HEPHL1: variants seen among roughly 807,000 people sequenced by gnomAD.
HEPHL1 encodes the protein hephaestin like 1, also known as ferroxidase HEPHL1.
A neutral mutation model predicts 122.0 loss-of-function variants in HEPHL1; 123 were observed. The ratio of observed to expected loss-of-function variants is 1.01; its 90% CI spans 0.87 to 1.17. The LOEUF is 1.17. HEPHL1 is among the 50% of genes most tolerant of loss of function. The probability of loss-of-function intolerance (pLI) is 0.00; values close to 1 mark genes in which losing one functional copy is unlikely to be tolerated. For synonymous variants in HEPHL1, 527 were observed against 508.9 expected (o/e 1.04, Z -0.48); for missense variants, 1,452 against 1,430.5 (o/e 1.01, Z -0.24).
rs192611678 is a variant in HEPHL1, at chr11:94,088,908, A to T, written c.2234A>T (p.Asp745Val). 6.2e-6 allele frequency: 10 copies of T among 1,613,986 alleles called. No homozygotes were observed. In the Admixed American group the frequency reaches 1.7e-4, roughly 27 times the overall value. The change falls in exon 12 of 20, where the codon GAT (aspartate) becomes GTT (valine). Residue 745 changes from aspartate to valine, a missense_variant. Physicochemically the swap from Asp to Val is radical, Grantham distance 152. Transcript: ENST00000315765. The stretch of plus-strand genomic sequence containing the variant: ...ATCGCCGCTGAAGAAGTAGAATGGG[A>T]TTATGCCCCTAACAAAAACTGGGAG... ...FYIAAEEVEW[D>V]YAPNKNWEFE...
At position 94,075,299 on chromosome 11, in the gene HEPHL1, G is replaced by T; in HGVS notation, c.1630G>T (p.Val544Phe). 1 of 1,613,592 alleles carries T rather than the reference G, an allele frequency of 6.2e-7. No individual in the cohort carries two copies. The highest frequency in any genetic ancestry group is 8.5e-7 in the Non-Finnish European group (1 of 1,179,670). Residue 544 changes from valine (V) to phenylalanine (F), a missense_variant, in exon 9 of 20, where the codon GTT (valine) becomes TTT (phenylalanine). Coordinates refer to ENST00000315765, the MANE Select transcript of HEPHL1 (RefSeq NM_001098672.2). ...PCLTYLYFSA[V>F]DPIKDTSSGL... ...TCTGACCTATCTTTACTTCTCAGCA[G>T]TTGATCCAATTAAGGACACCAGCTC...
In HEPHL1 at chr11:94,096,345, C is replaced by T. The variant is rs191662246; in HGVS notation, c.2434+2705C>T. ...GTTTATTGATTTGCATTATGTTGAACCAGTCTTGCATCCCAGGGATGAAGC... is the reference window on the plus strand; with the variant it reads ...GTTTATTGATTTGCATTATGTTGAATCAGTCTTGCATCCCAGGGATGAAGC... On this transcript the variant is annotated intron_variant, in intron 13 of 19. Transcript: ENST00000315765. 5.9e-5 allele frequency among the ~76,000 whole-genome samples: 9 copies of T among 152,298 alleles called. 1 individual carries two copies. In the East Asian group the frequency reaches 1.7e-3, roughly 29 times the overall value.
chr11:94,096,189 A>G (rs927209905), intron 13 of HEPHL1, among the ~76,000 whole-genome samples: 4 of 152,136 alleles, frequency 2.6e-5, no homozygotes, highest in South Asian at 2.1e-4. Flanking sequence ...TTTGAGATAC[A>G]TCCCATGAAT....
intron 2 of HEPHL1, among the ~76,000 whole-genome samples, chr11:94,050,701 A>T (rs1456961789): frequency 6.6e-6 from 1 of 152,172 alleles, no homozygotes; most frequent in Admixed American, 6.6e-5. Flanking sequence ...TCTAAAATGC[A>T]CAATTAAATT....
intron 10 of HEPHL1, among the ~76,000 whole-genome samples, chr11:94,084,530 C>A (rs1308373206): frequency 1.3e-5 from 2 of 151,934 alleles, no homozygotes; most frequent in African/African-American, 4.8e-5. Flanking sequence ...AAAGAAAGGG[C>A]CTGACATGGT....
Position 94,042,883 on chromosome 11 carries a change from A to AAAACAAAAAACAAAC in HEPHL1, c.171-2787_171-2786insCAAAAAACAAACAAA, listed in dbSNP as rs1555058776. On this transcript the variant is annotated intron_variant, in intron 1 of 19. Coordinates refer to ENST00000315765, the MANE Select transcript of HEPHL1 (RefSeq NM_001098672.2). ...TAAAACTTAAAGTATAATAAAAAAA[A>AAAACAAAAAACAAAC]AAAAAAAAAACTGCATGAATTGCTC... Among the ~76,000 whole-genome samples the AAAACAAAAAACAAAC allele has an allele frequency of 9.7e-3, 1,280 of 132,402 alleles. 44 individuals are homozygous for AAAACAAAAAACAAAC. Among genetic ancestry groups the AAAACAAAAAACAAAC allele is most frequent in the African/African-American group, 0.033 (1,160 of 35,498 alleles). The allele number at this position is 132,402 out of a possible 152,430, so 86.9% of individuals were successfully genotyped here.
intron 2 of HEPHL1, among the ~76,000 whole-genome samples, chr11:94,049,107 C>G (rs2511379): frequency 0.36 from 53,906 of 149,712 alleles, 10,354 homozygotes; most frequent in Admixed American, 0.46. Flanking sequence ...GGCAACAGAG[C>G]AAGACTCCAT....
chr11:94,103,645 CAACCACAGTCTTTAATTACATGCCATA>C (rs1466737004), intron 15 of HEPHL1, among the ~76,000 whole-genome samples: 2 of 152,102 alleles, frequency 1.3e-5, no homozygotes. Context: ...GTATGTAAAA[CAACCACAGTCTTTAATTACATGCCATA>C]AACCAAAGTC....
At chr11:94,026,591 T>C (rs1049118016) in intron 1 of HEPHL1, among the ~76,000 whole-genome samples, 1 of 152,178 alleles carries the variant, frequency 6.6e-6, no homozygotes, top group Non-Finnish European at 1.5e-5. Context: ...TCATTGACAG[T>C]ATAATAAGTT....
chr11:94,107,491 GAAC>G lies in HEPHL1; in HGVS notation c.3045+1367_3045+1369del, dbSNP rs752677631. On this transcript the variant is annotated intron_variant, in intron 17 of 19. Transcript: ENST00000315765. ...TGATAAGCACATACAGTAGTGTAAC[GAAC>G]AACAATCACAATATAGAATACTTTT... 8.5e-5 allele frequency among the ~76,000 whole-genome samples: 13 copies of G among 152,198 alleles called. No homozygotes were observed. In the Middle Eastern group the frequency reaches 0.01, roughly 119 times the overall value.
At chr11:94,076,626 C>T (rs534561252) in intron 9 of HEPHL1, among the ~76,000 whole-genome samples, 80 of 152,118 alleles carry the variant, frequency 5.3e-4, no homozygotes, top group African/African-American at 1.9e-3. Context: ...AAAAAGTACC[C>T]TGAAACATCC....
chr11:94,067,402 T>G, intron 4 of HEPHL1, 94 bp from the exon 5 acceptor site: 1 of 1,270,372 alleles, frequency 7.9e-7, no homozygotes. Flanking sequence ...TCTGCACTGG[T>G]TTTCCAGCCA....
In HEPHL1 at chr11:94,070,555, T is replaced by A; in HGVS notation, c.1232+13T>A. On this transcript the variant is annotated intron_variant, in intron 6 of 19. Coordinates refer to ENST00000315765, the MANE Select transcript of HEPHL1 (RefSeq NM_001098672.2). ...ACGCCTCTGGCAGGTAAGCACCCTTTGTTGGTGTTTCTAAGCCTCTCGTCA... is the reference window on the plus strand; with the variant it reads ...ACGCCTCTGGCAGGTAAGCACCCTTAGTTGGTGTTTCTAAGCCTCTCGTCA... The A allele has an allele frequency of 8.1e-6, 13 of 1,595,338 alleles. No homozygotes were observed. Among genetic ancestry groups the A allele is most frequent in the Non-Finnish European group, 1.1e-5 (13 of 1,168,354 alleles).
At chr11:94,078,116 G>A (rs1194096123) in intron 9 of HEPHL1, among the ~76,000 whole-genome samples, 1 of 152,022 alleles carries the variant, frequency 6.6e-6, no homozygotes, top group African/African-American at 2.4e-5. Flanking sequence ...GCACATTGTT[G>A]ACATGCAACA....
At chr11:94,057,395 T>C (rs904490006) in intron 2 of HEPHL1, among the ~76,000 whole-genome samples, 16 of 152,238 alleles carry the variant, frequency 1.1e-4, no homozygotes, top group African/African-American at 3.4e-4. Flanking sequence ...ACAACTGTTA[T>C]ACACATGTTA....
At chr11:94,036,959 G>A (rs1162516088) in intron 1 of HEPHL1, among the ~76,000 whole-genome samples, 1 of 152,196 alleles carries the variant, frequency 6.6e-6, no homozygotes, top group African/African-American at 2.4e-5. Flanking sequence ...CTGAGGTACA[G>A]GGTTCATCTC....
chr11:94,039,837 C>G (rs1482355163), intron 1 of HEPHL1, among the ~76,000 whole-genome samples: 1 of 122,150 alleles, frequency 8.2e-6, no homozygotes, highest in African/African-American at 3.4e-5. Context: ...CAAACACATT[C>G]AAAAGCTAGC....
chr11:94,086,482 C>T (rs996470438), intron 11 of HEPHL1, among the ~76,000 whole-genome samples: 1 of 152,160 alleles, frequency 6.6e-6, no homozygotes, highest in African/African-American at 2.4e-5. Flanking sequence ...AAAAATTCAG[C>T]CCTGATAAAG....
At chr11:94,093,810 T>C (rs1432192651) in intron 13 of HEPHL1, among the ~76,000 whole-genome samples, 170 bp downstream of exon 13, 1 of 151,446 alleles carries the variant, frequency 6.6e-6, no homozygotes, top group Non-Finnish European at 1.5e-5. Flanking sequence ...GGGAGTGTGC[T>C]GAGTGCTCAA....
Sources: allele counts gnomAD v4.1 joint callset (sites outside exome capture counted in the v4.1 genomes callset), GRCh38; gene constraint gnomAD v4.1.1; transcripts MANE v1.5; gene names NCBI Gene and HGNC (gene_info 2026-07-23, HGNC 2026-07-21).